ANKRD18B: variants seen among roughly 807,000 people sequenced by gnomAD.
The protein encoded by ANKRD18B is ankyrin repeat domain-containing protein 18B.
ANKRD18B carries 75 observed loss-of-function variants against 111.8 expected under a neutral mutation model. That is an observed-to-expected ratio of 0.67 (90% confidence interval 0.56 to 0.81). ANKRD18B has a LOEUF of 0.81. Among genes scored for constraint, ANKRD18B ranks in the 40% least tolerant of loss-of-function variants. ANKRD18B has a pLI of 0.00. For synonymous variants in ANKRD18B, 356 were observed against 417.3 expected, an observed-to-expected ratio of 0.85 and a Z score of 1.79; for missense variants, 1,038 against 1,225.5, an observed-to-expected ratio of 0.85 and a Z score of 2.28.
rs760933972 is a variant in ANKRD18B at position 33,566,462 on chromosome 9, A to T, written c.2704A>T (p.Met902Leu). The T allele has an allele frequency of 1.2e-6, 2 of 1,608,160 alleles. No individual in the cohort carries two copies. The highest frequency in any genetic ancestry group is 2.2e-5 in the South Asian group (2 of 89,678). ...EYKSELDERA[M>L]QAIEKLEEIH... Reference sequence around the variant, plus strand: ...TAAATCGGAGCTGGATGAAAGGGCAATGCAGGCAATAGAAAAATTAGAAGA... The same window carrying T: ...TAAATCGGAGCTGGATGAAAGGGCATTGCAGGCAATAGAAAAATTAGAAGA... The change falls in exon 15 of 19, where the codon ATG becomes TTG. Residue 902 changes from methionine to leucine, a missense_variant. Met to Leu is a conservative substitution (Grantham distance 15, BLOSUM62 2). Coordinates refer to ENST00000684830, the MANE Select transcript of ANKRD18B (RefSeq NM_001393611.1).
rs530614815 is a variant in ANKRD18B, at chr9:33,534,283, G to C, written c.603-87G>C. On this transcript the variant is annotated intron_variant, in intron 4 of 18. Coordinates refer to ENST00000684830, the MANE Select transcript of ANKRD18B (RefSeq NM_001393611.1). The stretch of plus-strand genomic sequence containing the variant: ...TTATTATGTCTATCCTGACAGGCAA[G>C]ATATGAAATTGGTAAAGTGTATCCA... The C allele has an allele frequency of 4.3e-5, 62 of 1,455,494 alleles. 2 individuals are homozygous for C. The South Asian group carries it at 8.4e-4, about 20-fold the overall frequency. 90.2% of individuals were successfully genotyped at this position (1,455,494 alleles called of 1,614,324 possible).
chr9:33,531,172 A>G (rs1828109879), intron 3 of ANKRD18B, among the ~76,000 whole-genome samples: 2 of 152,214 alleles, frequency 1.3e-5, no homozygotes, highest in Admixed American at 6.5e-5. Flanking sequence ...TTGGTTAACA[A>G]TCTGGGAAAA....
chr9:33,531,594 C>T (rs867055490), intron 3 of ANKRD18B, among the ~76,000 whole-genome samples: 141 of 150,788 alleles, frequency 9.4e-4, no homozygotes, highest in African/African-American at 3.3e-3. Context: ...CAGTTTGCTA[C>T]TGTGCCCACC....
chr9:33,527,300 T>C (rs1814031), intron 1 of ANKRD18B, among the ~76,000 whole-genome samples: 141,213 of 152,176 alleles, frequency 0.93, 65,977 homozygotes, highest in East Asian at 1. Context: ...TTTAGCTTCA[T>C]GTTTCTTTTT....
chr9:33,532,663 T>C (rs1828134809), intron 3 of ANKRD18B, among the ~76,000 whole-genome samples: 1 of 152,220 alleles, frequency 6.6e-6, no homozygotes, highest in South Asian at 2.1e-4. Flanking sequence ...AATTCAGAGC[T>C]CATTTCCTTA....
At chr9:33,574,740 G>T (rs189150626), downstream of ANKRD18B, among the ~76,000 whole-genome samples, 3 of 152,248 alleles carry the variant, frequency 2.0e-5, no homozygotes, top group Non-Finnish European at 4.4e-5. Flanking sequence ...ACACCCATAT[G>T]TACAGACACA....
downstream of ANKRD18B, among the ~76,000 whole-genome samples, chr9:33,573,834 T>C (rs1157327275): frequency 6.9e-6 from 1 of 145,140 alleles, no homozygotes; most frequent in Non-Finnish European, 1.6e-5. Context: ...AGCAGGGACC[T>C]GGTTAGCGGT....
chr9:33,524,812 C>A, intron 1 of ANKRD18B, 117 bp downstream of exon 1: 1 of 1,236,148 alleles, frequency 8.1e-7, no homozygotes, highest in Non-Finnish European at 1.1e-6. Flanking sequence ...CCAAATGGAG[C>A]CTCAGCTGCT....
intron 12 of ANKRD18B, among the ~76,000 whole-genome samples, chr9:33,554,328 T>G (rs148702875): frequency 0.084 from 12,829 of 152,178 alleles, 557 homozygotes; most frequent in South Asian, 0.099. Context: ...ATAGACAAGA[T>G]TCACTATCTA....
intron 9 of ANKRD18B, 41 bp from the exon 10 acceptor site, chr9:33,543,144 T>G (rs1381189089): frequency 1.3e-6 from 2 of 1,483,656 alleles, no homozygotes; most frequent in Non-Finnish European, 1.8e-6. Context: ...TTATAGTTTT[T>G]AAGTCATTCA....
intron 12 of ANKRD18B, among the ~76,000 whole-genome samples, chr9:33,553,809 G>A (rs1436077165): frequency 6.6e-6 from 1 of 152,136 alleles, no homozygotes; most frequent in Non-Finnish European, 1.5e-5. Context: ...TGGGTGCCGT[G>A]GCTCACATCT....
chr9:33,532,467 A>G (rs1168960712), intron 3 of ANKRD18B, among the ~76,000 whole-genome samples: 1 of 152,228 alleles, frequency 6.6e-6, no homozygotes, highest in East Asian at 1.9e-4. Context: ...ATAATTGAGA[A>G]TAGAATTTCT....
intron 12 of ANKRD18B, 85 bp from the exon 13 acceptor site, chr9:33,555,623 T>C: frequency 9.6e-7 from 1 of 1,036,888 alleles, no homozygotes. Flanking sequence ...TACATATTAT[T>C]CATCAACTTA....
At chr9:33,544,513 G>T (rs539157002) in intron 10 of ANKRD18B, among the ~76,000 whole-genome samples, 107 of 152,192 alleles carry the variant, frequency 7.0e-4, no homozygotes, top group Admixed American at 1.8e-3. Context: ...TAATAAAGAG[G>T]ATATATCTGT....
chr9:33,560,726 C>T (rs527591978), intron 14 of ANKRD18B, among the ~76,000 whole-genome samples: 4 of 152,104 alleles, frequency 2.6e-5, no homozygotes, highest in South Asian at 2.1e-4. Context: ...TTTGGGAGGC[C>T]GAGGCAGGTG....
chr9:33,546,984 C>T (rs1828365860), intron 10 of ANKRD18B, among the ~76,000 whole-genome samples: 2 of 152,082 alleles, frequency 1.3e-5, no homozygotes, highest in African/African-American at 4.8e-5. Flanking sequence ...TTTCAGTGAG[C>T]ACCTTCACTT....
At chr9:33,551,663 T>C (rs1828447901) in intron 12 of ANKRD18B, among the ~76,000 whole-genome samples, 1 of 152,092 alleles carries the variant, frequency 6.6e-6, no homozygotes, top group Non-Finnish European at 1.5e-5. Flanking sequence ...CTGATGGACC[T>C]TTAGGTTGTT....
intron 10 of ANKRD18B, among the ~76,000 whole-genome samples, chr9:33,544,063 T>C (rs2118040226): frequency 6.6e-6 from 1 of 152,294 alleles, no homozygotes; most frequent in South Asian, 2.1e-4. Flanking sequence ...CCTAGAAATA[T>C]GAATTCACTG....
rs200903845 is a variant in ANKRD18B at position 33,572,572 on chromosome 9, T to C, written c.*138T>C. On this transcript the variant is annotated 3_prime_UTR_variant, in exon 19 of 19. Coordinates refer to ENST00000684830, the MANE Select transcript of ANKRD18B (RefSeq NM_001393611.1). ...TATATTTATATGTTATTTTAAATGA[T>C]TTTTTTAGCCTCCTTAAGTTTTAAG... is the stretch of plus-strand genomic sequence containing the variant. 28 of 1,277,428 alleles carry C rather than the reference T, an allele frequency of 2.2e-5. No homozygotes were observed. The highest frequency in any genetic ancestry group is 3.7e-5 in the Admixed American group (1 of 26,682). The allele number at this position is 1,277,428 out of a possible 1,614,324, so 79.1% of individuals were successfully genotyped here. A position where few individuals can be genotyped will look rare whatever the true frequency, so the allele number is the denominator to read the frequency against.
Sources: gnomAD v4.1 joint callset for allele counts (sites outside exome capture counted in the v4.1 genomes callset) on GRCh38, gnomAD v4.1.1 for gene constraint, MANE v1.5 for transcripts, NCBI Gene and HGNC (gene_info 2026-07-23, HGNC 2026-07-21) for gene names.